The following CHD6 variants were observed in gnomAD, a reference collection of about 807,000 sequenced individuals.
The protein encoded by CHD6 is chromodomain helicase DNA binding protein 6.
In CHD6, 50 loss-of-function variants were observed where a neutral mutation model predicts 276.9. The ratio of observed to expected loss-of-function variants is 0.18; its 90% CI spans 0.14 to 0.23. CHD6 has a LOEUF of 0.23. Ranked by LOEUF, CHD6 falls within the 10% of genes least tolerant of loss-of-function variation. The probability of loss-of-function intolerance (pLI) is 1.00; values close to 1 mark genes in which losing one functional copy is unlikely to be tolerated. For synonymous variants in CHD6, 1,173 were observed against 1,229.3 expected, an observed-to-expected ratio of 0.95 and a Z score of 0.96; for missense variants, 2,564 against 3,365.8, an observed-to-expected ratio of 0.76 and a Z score of 5.89.
intron 16 of CHD6, among the ~76,000 whole-genome samples, chr20:41,475,737 A>G (rs750226483): frequency 6.6e-6 from 1 of 152,168 alleles, no homozygotes; most frequent in Non-Finnish European, 1.5e-5. Context: ...TGCTCTTTGA[A>G]AAAACACCCC....
intron 1 of CHD6, among the ~76,000 whole-genome samples, chr20:41,591,204 C>A: frequency 8.9e-6 from 1 of 112,626 alleles, no homozygotes; most frequent in Admixed American, 1.3e-4. Context: ...CACACCGGGG[C>A]CTGTTGTGGG....
At chr20:41,527,502 C>G in intron 3 of CHD6, among the ~76,000 whole-genome samples, 1 of 152,116 alleles carries the variant, frequency 6.6e-6, no homozygotes, top group East Asian at 1.9e-4. Flanking sequence ...GAGCTGGCTA[C>G]AGACCTACTC....
At chr20:41,440,573 T>C (rs1424175771) in intron 25 of CHD6, among the ~76,000 whole-genome samples, 2 of 152,172 alleles carry the variant, frequency 1.3e-5, no homozygotes, top group South Asian at 2.1e-4. Context: ...ACTACGATGA[T>C]TGTTTATTGC....
chr20:41,577,353 C>T (rs2045485472), intron 1 of CHD6, among the ~76,000 whole-genome samples: 1 of 152,212 alleles, frequency 6.6e-6, no homozygotes, highest in Admixed American at 6.5e-5. Flanking sequence ...GCAGCTTTAA[C>T]TTCAGTGCAA....
At chr20:41,576,467 C>A (rs1354792157) in intron 1 of CHD6, among the ~76,000 whole-genome samples, 1 of 152,122 alleles carries the variant, frequency 6.6e-6, no homozygotes, top group Non-Finnish European at 1.5e-5. Context: ...GGGCAGATCA[C>A]CTGAGGTCAG....
At chr20:41,426,837 A>G (rs961140757) in intron 27 of CHD6, among the ~76,000 whole-genome samples, 1 of 152,180 alleles carries the variant, frequency 6.6e-6, no homozygotes, top group East Asian at 1.9e-4. Flanking sequence ...AAAACTCCTC[A>G]TATGTAATTC....
chr20:41,616,176 T>G (rs1215303226), intron 1 of CHD6, among the ~76,000 whole-genome samples: 2 of 152,250 alleles, frequency 1.3e-5, no homozygotes, highest in Non-Finnish European at 2.9e-5. Context: ...AATTTTTGTG[T>G]GGTTTGCCTT....
intron 3 of CHD6, among the ~76,000 whole-genome samples, chr20:41,529,125 T>G (rs1404100305): frequency 6.6e-6 from 1 of 152,264 alleles, no homozygotes; most frequent in East Asian, 1.9e-4. Context: ...CTCACTAGTT[T>G]TGTGCCTTGG....
At chr20:41,527,466 C>T (rs558475974) in intron 3 of CHD6, among the ~76,000 whole-genome samples, 45 of 152,110 alleles carry the variant, frequency 3.0e-4, no homozygotes, top group Middle Eastern at 3.4e-3. Context: ...ATGCTTGGCT[C>T]CCTATGTGAG....
intron 1 of CHD6, among the ~76,000 whole-genome samples, chr20:41,561,512 C>T (rs2045301179): frequency 6.6e-6 from 1 of 152,162 alleles, no homozygotes. Flanking sequence ...TAATCTGCCT[C>T]CTGGGACTTC....
intron 11 of CHD6, among the ~76,000 whole-genome samples, chr20:41,491,230 CTT>C (rs936637730): frequency 5.9e-5 from 9 of 151,330 alleles, no homozygotes; most frequent in Non-Finnish European, 7.4e-5. Context: ...CTTTTTGACT[CTT>C]AAGTGTTATT....
intron 1 of CHD6, among the ~76,000 whole-genome samples, chr20:41,577,422 T>C (rs1025313156): frequency 7.9e-5 from 12 of 152,254 alleles, no homozygotes; most frequent in African/African-American, 2.9e-4. Flanking sequence ...AGCTGTCTGC[T>C]ACGTTTCTCT....
At chr20:41,513,135 C>G in intron 4 of CHD6, 140 bp from the exon 5 acceptor site, 1 of 923,928 alleles carries the variant, frequency 1.1e-6, no homozygotes, top group Non-Finnish European at 1.7e-6. Flanking sequence ...AAATACAACT[C>G]TTTTAATAAA....
chr20:41,598,709 G>A (rs2045744121), intron 1 of CHD6, among the ~76,000 whole-genome samples: 1 of 152,148 alleles, frequency 6.6e-6, no homozygotes, highest in Admixed American at 6.5e-5. Context: ...TCACAGCAAG[G>A]GGAAAACTTG....
chr20:41,484,614 A>G lies in CHD6; in HGVS notation c.2002-7T>C, dbSNP rs1018118070. 4 of 1,613,332 alleles carry G rather than the reference A, an allele frequency of 2.5e-6. No individual in the cohort carries two copies. The South Asian group carries it at 3.3e-5, about 13-fold the overall frequency. Reference sequence around the variant, plus strand: ...TAGACTGCAGTTTCTTTACCTGTCCAGGGAAATGAGACCTAGTTACCTGCC... The same window carrying G: ...TAGACTGCAGTTTCTTTACCTGTCCGGGGAAATGAGACCTAGTTACCTGCC... On this transcript the variant is annotated splice_region_variant and splice_polypyrimidine_tract_variant and intron_variant, in intron 14 of 36. Transcript: ENST00000373233.
intron 36 of CHD6, among the ~76,000 whole-genome samples, chr20:41,411,760 T>G: frequency 6.6e-6 from 1 of 152,298 alleles, no homozygotes; most frequent in Admixed American, 6.5e-5. Context: ...AGAAATGTCT[T>G]AAATGGTAGC....
In CHD6 at chr20:41,404,720, C is replaced by A; in HGVS notation, c.8021G>T (p.Ser2674Ile). 6.2e-7 allele frequency: 1 copy of A among 1,600,846 alleles called. No individual in the cohort carries two copies. Among genetic ancestry groups the A allele is most frequent in the Non-Finnish European group, 8.5e-7 (1 of 1,173,378 alleles). ...ATCACCGCTGGGCTCCCTTTCACAG[C>A]TGGGAGCAGGCTCTGGGTGGGAGTT... is the stretch of plus-strand genomic sequence containing the variant. ...NPNSHPEPAP[S>I]CEREPSGDEN... The change falls in exon 37 of 37, where the codon AGC becomes ATC. Residue 2674 changes from serine (S) to isoleucine (I), a missense_variant. Ser to Ile is a moderately radical substitution (Grantham distance 142). This residue lies in a region of CHD6 where 238 missense variants were observed against 266.0 expected (regional missense o/e 0.89). Transcript: ENST00000373233.
chr20:41,417,351 TG>T lies in CHD6; in HGVS notation c.6128-3del. On this transcript the variant is annotated splice_polypyrimidine_tract_variant and splice_region_variant and intron_variant, in intron 31 of 36. Transcript: ENST00000373233. The stretch of plus-strand genomic sequence containing the variant: ...CTTCAGAGTACTTCCCTGGATAATC[TG>T]GGAAGAGGTTAAAAAATTAATCAGG... 1 of 1,609,770 alleles carries T rather than the reference TG, an allele frequency of 6.2e-7. No homozygotes were observed. Among genetic ancestry groups the T allele is most frequent in the Non-Finnish European group, 8.5e-7 (1 of 1,178,914 alleles).
intron 2 of CHD6, among the ~76,000 whole-genome samples, chr20:41,539,013 C>T (rs1473108412): frequency 6.6e-6 from 1 of 152,176 alleles, no homozygotes; most frequent in Non-Finnish European, 1.5e-5. Flanking sequence ...ATGGACTGCC[C>T]AGATACGCCG....
Sources: gnomAD v4.1 joint callset for allele counts (sites outside exome capture counted in the v4.1 genomes callset) on GRCh38, gnomAD v4.1.1 for gene constraint, gnomAD v4.1.1 regional missense constraint, MANE v1.5 for transcripts, NCBI Gene and HGNC (gene_info 2026-07-23, HGNC 2026-07-21) for gene names.